Variants in RORA observed in about 807,000 individuals in gnomAD.
RORA encodes the protein RAR related orphan receptor A.
RORA carries 7 observed loss-of-function variants against 69.5 expected under a neutral mutation model. The observed-to-expected ratio is 0.10, with a 90% CI of 0.06 to 0.19. The LOEUF (loss-of-function observed/expected upper bound fraction) is 0.19, where lower values mean the gene tolerates loss of function less well. RORA is among the 10% of genes least tolerant of loss of function. The pLI, the probability that RORA is intolerant of heterozygous loss-of-function variation, is 1.00. For synonymous variants in RORA, 261 were observed against 240.8 expected (o/e 1.08, Z -0.78); for missense variants, 457 against 663.0 (o/e 0.69, Z 3.41).
Position 60,490,365 on chromosome 15 carries a change from G to A in RORA, c.*7090C>T, listed in dbSNP as rs1445346425. The A allele has an allele frequency of 6.6e-6, 1 of 152,098 alleles. No individual in the cohort carries two copies. The highest frequency in any genetic ancestry group is 1.5e-5 in the Non-Finnish European group (1 of 67,962). The allele number at this position is 152,098 out of a possible 1,614,324, so 9.4% of individuals were successfully genotyped here. ...CTAAAATAGATTATATAGTAAAACC[G>A]GTATTATACAGCATATTGTGGATTT... On this transcript the variant is annotated 3_prime_UTR_variant, in exon 11 of 11. Coordinates refer to ENST00000335670, the MANE Select transcript of RORA (RefSeq NM_134261.3). This position sits in a 1 kb window ranked among gnomAD's most constrained non-coding sequence, Gnocchi z 4.1.
intron 2 of RORA, among the ~76,000 whole-genome samples, chr15:60,628,479 C>A (rs1335415322): frequency 6.6e-6 from 1 of 152,166 alleles, no homozygotes; most frequent in Non-Finnish European, 1.5e-5. Context: ...GATCCTCCTG[C>A]CTCAGCCTCT....
intron 2 of RORA, among the ~76,000 whole-genome samples, chr15:60,559,003 A>T (rs1395434370): frequency 6.6e-6 from 1 of 152,140 alleles, no homozygotes; most frequent in African/African-American, 2.4e-5. Flanking sequence ...TTTTTATTTG[A>T]TATTACACTT....
chr15:60,590,170 C>CCTGTATCTCTCTCTCTCTCTCTCT (rs1555434779), intron 2 of RORA, among the ~76,000 whole-genome samples: 2 of 101,568 alleles, frequency 2.0e-5, no homozygotes, highest in African/African-American at 1.1e-4. Flanking sequence ...TCTCCCTCTT[C>CCTGTATCTCTCTCTCTCTCTCTCT]CTCTATCTCT....
At chr15:61,067,034 G>A (rs2078271135) in intron 1 of RORA, among the ~76,000 whole-genome samples, 2 of 151,978 alleles carry the variant, frequency 1.3e-5, no homozygotes, top group South Asian at 4.2e-4. Context: ...TAAAGATTTA[G>A]CCCAAGTGCT....
intron 1 of RORA, among the ~76,000 whole-genome samples, chr15:60,877,663 C>G (rs2073633111): frequency 6.6e-6 from 1 of 152,122 alleles, no homozygotes; most frequent in South Asian, 2.1e-4. Flanking sequence ...AATAACAAAT[C>G]CATTACAAAT....
chr15:60,730,409 G>A (rs139725616), intron 1 of RORA, among the ~76,000 whole-genome samples: 19 of 152,274 alleles, frequency 1.2e-4, no homozygotes, highest in African/African-American at 3.6e-4. Flanking sequence ...TTGTCTTATC[G>A]TTCAATTAAT....
chr15:60,738,515 T>C lies in RORA; in HGVS notation c.167-59829A>G, dbSNP rs181294739. The stretch of plus-strand genomic sequence containing the variant: ...TGGGTGCTTTTGGCTTCACAAGCCC[T>C]TTCTCCATAATCAAAAAATAAGTAA... On this transcript the variant is annotated intron_variant, in intron 1 of 10. Transcript: ENST00000335670. 4.0e-5 allele frequency among the ~76,000 whole-genome samples: 6 copies of C among 151,010 alleles called. No individual in the cohort carries two copies. The East Asian group carries it at 1.2e-3, about 29-fold the overall frequency.
rs2070348779 is a variant in RORA at position 60,664,250 on chromosome 15, G to T, written c.196+14407C>A. On this transcript the variant is annotated intron_variant, in intron 2 of 10. Coordinates refer to ENST00000335670, the MANE Select transcript of RORA (RefSeq NM_134261.3). The stretch of plus-strand genomic sequence containing the variant: ...ACCAGGCAGGACTCTTTTTTGAGGG[G>T]TGTGGGAGCAGGAGGAGAGGAGGAT... Among the ~76,000 whole-genome samples, 3 of 152,136 alleles carry T rather than the reference G, an allele frequency of 2.0e-5. No individual in the cohort carries two copies. In the East Asian group the frequency reaches 5.8e-4, roughly 29 times the overall value.
intron 2 of RORA, among the ~76,000 whole-genome samples, chr15:60,589,163 G>T (rs2068424122): frequency 6.6e-6 from 1 of 152,208 alleles, no homozygotes; most frequent in Non-Finnish European, 1.5e-5. Context: ...ACCAGGCAAT[G>T]GGTCCTTACA....
intron 1 of RORA, among the ~76,000 whole-genome samples, chr15:61,154,960 G>A (rs1214782604): frequency 2.6e-5 from 4 of 152,190 alleles, no homozygotes; most frequent in South Asian, 4.1e-4. Context: ...AGATTATCAC[G>A]TTCCCGGATC....
At chr15:60,855,757 C>G (rs1409335246) in intron 1 of RORA, among the ~76,000 whole-genome samples, 1 of 112,342 alleles carries the variant, frequency 8.9e-6, no homozygotes, top group Non-Finnish European at 2.0e-5. Flanking sequence ...AGTAGCTGCA[C>G]AGGCGCCCGC....
At chr15:60,525,234 A>G (rs1052733190) in intron 3 of RORA, among the ~76,000 whole-genome samples, 10 of 152,328 alleles carry the variant, frequency 6.6e-5, no homozygotes, top group Middle Eastern at 3.4e-3. Context: ...GATAAATTTT[A>G]AAAGCCTGGA....
intron 2 of RORA, among the ~76,000 whole-genome samples, chr15:60,661,081 ATT>A (rs35005286): frequency 0.045 from 6,362 of 141,002 alleles, 410 homozygotes; most frequent in Admixed American, 0.16. Flanking sequence ...TAGAGGAGTT[ATT>A]TTTTTTTTTT....
At chr15:60,763,590 T>C (rs945880363) in intron 1 of RORA, among the ~76,000 whole-genome samples, 3 of 152,074 alleles carry the variant, frequency 2.0e-5, no homozygotes, top group Non-Finnish European at 2.9e-5. Context: ...TCACCAATCA[T>C]ACGGATCCCC....
chr15:60,652,284 A>G (rs1307699468), intron 2 of RORA, among the ~76,000 whole-genome samples: 2 of 152,186 alleles, frequency 1.3e-5, no homozygotes, highest in African/African-American at 2.4e-5. Flanking sequence ...AAATTATTAA[A>G]GATAATTAAA....
At chr15:60,565,395 A>G (rs1408057156) in intron 2 of RORA, among the ~76,000 whole-genome samples, 7 of 152,350 alleles carry the variant, frequency 4.6e-5, no homozygotes, top group East Asian at 3.9e-4. Context: ...ATCTGTTTTC[A>G]TGTATTCATT....
chr15:60,613,692 A>G (rs2140593251), intron 2 of RORA, among the ~76,000 whole-genome samples: 1 of 128,342 alleles, frequency 7.8e-6, no homozygotes, highest in African/African-American at 2.8e-5. Flanking sequence ...TCTCAATTTG[A>G]TATCTGTGTG....
intron 1 of RORA, among the ~76,000 whole-genome samples, chr15:61,053,961 C>G (rs1318916614): frequency 6.7e-6 from 1 of 149,430 alleles, no homozygotes; most frequent in Non-Finnish European, 1.5e-5. Context: ...TTGTTTTCTC[C>G]AAAGCTATTT....
At chr15:60,967,835 T>C (rs1241654782) in intron 1 of RORA, among the ~76,000 whole-genome samples, 1 of 152,164 alleles carries the variant, frequency 6.6e-6, no homozygotes, top group Non-Finnish European at 1.5e-5. Flanking sequence ...AGGCACCTTT[T>C]AGTAAAAGGC....
Sources: allele counts gnomAD v4.1 joint callset (sites outside exome capture counted in the v4.1 genomes callset), GRCh38; gene constraint gnomAD v4.1.1; non-coding constraint Gnocchi (gnomAD v3.1); transcripts MANE v1.5; gene names NCBI Gene and HGNC (gene_info 2026-07-23, HGNC 2026-07-21).